Variants in HIBCH observed in about 807,000 individuals in gnomAD.
The protein encoded by HIBCH is 3-hydroxyisobutyryl-CoA hydrolase.
Under a neutral mutation model 58.2 loss-of-function variants are expected in HIBCH, and 50 were observed. The observed-to-expected ratio is 0.86, with a 90% confidence interval of 0.68 to 1.09. HIBCH has a LOEUF of 1.09. HIBCH is among the 50% of genes least tolerant of loss of function. The pLI is 0.00. For missense variants in HIBCH, 450 were observed against 449.7 expected (o/e 1.00, Z -0.01); for synonymous variants, 151 against 146.9 (o/e 1.03, Z -0.20).
At chr2:190,241,402 G>A in intron 11 of HIBCH, among the ~76,000 whole-genome samples, 1 of 152,096 alleles carries the variant, frequency 6.6e-6, no homozygotes, top group Non-Finnish European at 1.5e-5. Flanking sequence ...ACACCAATGG[G>A]TCTTGACTCT....
At chr2:190,302,048 C>G (rs1355704297) in intron 2 of HIBCH, among the ~76,000 whole-genome samples, 1 of 152,176 alleles carries the variant, frequency 6.6e-6, no homozygotes, top group Admixed American at 6.5e-5. Flanking sequence ...CCTAGGATAT[C>G]AGGGAATTCC....
downstream of HIBCH, chr2:190,200,042 ATGCACACCGCC>A: frequency 6.2e-7 from 1 of 1,614,138 alleles, no homozygotes. Flanking sequence ...ATCTTGGAAT[ATGCACACCGCC>A]TGTCTCAGGA....
intron 11 of HIBCH, among the ~76,000 whole-genome samples, chr2:190,223,260 AAAGTAT>A (rs1685779150): frequency 6.6e-6 from 1 of 152,170 alleles, no homozygotes; most frequent in Non-Finnish European, 1.5e-5. Context: ...CCCAGAACTT[AAAGTAT>A]AATAAAAAAA....
chr2:190,194,093 T>C (rs1343056084), intron 1 of HIBCH, among the ~76,000 whole-genome samples: 1 of 152,182 alleles, frequency 6.6e-6, no homozygotes, highest in Non-Finnish European at 1.5e-5. Flanking sequence ...TTTCTAGATA[T>C]TTTACTCTCT....
At chr2:190,238,685 G>A (rs1384841040) in intron 11 of HIBCH, among the ~76,000 whole-genome samples, 1 of 152,190 alleles carries the variant, frequency 6.6e-6, no homozygotes, top group Admixed American at 6.5e-5. Flanking sequence ...GGCTGGTCCT[G>A]AACTCCTGAC....
At chr2:190,261,096 G>A (rs1687075292) in intron 7 of HIBCH, 60 bp downstream of exon 7, 2 of 1,248,624 alleles carry the variant, frequency 1.6e-6, no homozygotes, top group East Asian at 4.7e-5. Flanking sequence ...AGTAAACTCT[G>A]AAACATATCA....
At chr2:190,234,879 G>C (rs1455318153) in intron 11 of HIBCH, among the ~76,000 whole-genome samples, 2 of 152,010 alleles carry the variant, frequency 1.3e-5, no homozygotes, top group South Asian at 2.1e-4. Context: ...TGAGAAGCCA[G>C]TATAATGGTT....
intron 12 of HIBCH, 52 bp downstream of exon 12, chr2:190,212,904 A>G (rs924312351): frequency 6.7e-6 from 10 of 1,486,658 alleles, no homozygotes; most frequent in Non-Finnish European, 8.4e-6. Context: ...TCTACAATAA[A>G]CGTATGTTAC....
chr2:190,195,519 A>G (rs578013018), intron 1 of HIBCH, among the ~76,000 whole-genome samples: 108 of 152,304 alleles, frequency 7.1e-4, no homozygotes, highest in Admixed American at 1.4e-3. Context: ...GATGTTGAAC[A>G]CTTTTCCATA....
At chr2:190,240,187 G>A (rs1410885886) in intron 11 of HIBCH, among the ~76,000 whole-genome samples, 1 of 152,082 alleles carries the variant, frequency 6.6e-6, no homozygotes, top group Non-Finnish European at 1.5e-5. Flanking sequence ...AATTGTTATT[G>A]GTCTATTTAG....
intron 1 of HIBCH, among the ~76,000 whole-genome samples, chr2:190,192,720 AC>A (rs1458502567): frequency 6.6e-6 from 1 of 152,186 alleles, no homozygotes; most frequent in African/African-American, 2.4e-5. Flanking sequence ...TACAACGTAC[AC>A]AATACAAAAT....
chr2:190,237,370 T>C (rs745355150), intron 11 of HIBCH, among the ~76,000 whole-genome samples: 32 of 152,244 alleles, frequency 2.1e-4, no homozygotes, highest in African/African-American at 6.5e-4. Context: ...AGATTTATCA[T>C]GCTGTGTGTA....
At chr2:190,198,187 T>A (rs113645965) in intron 1 of HIBCH, among the ~76,000 whole-genome samples, 3 of 151,656 alleles carry the variant, frequency 2.0e-5, no homozygotes, top group African/African-American at 7.3e-5. Context: ...CTCATATCAC[T>A]CTTATTAGGG....
chr2:190,315,629 T>G lies in HIBCH; in HGVS notation c.35+4087A>C, dbSNP rs1210968250. On this transcript the variant is annotated intron_variant, in intron 1 of 13. Coordinates refer to ENST00000359678, the MANE Select transcript of HIBCH (RefSeq NM_014362.4). The surrounding 1 kb of genome is among the most constrained non-coding windows in gnomAD (Gnocchi z 5.4). Reference sequence around the variant, plus strand: ...GGAAGAAGACATCACAAAGTAGTGCTTAGTGAAAATTATTATCCCAGAAGT... The same window carrying G: ...GGAAGAAGACATCACAAAGTAGTGCGTAGTGAAAATTATTATCCCAGAAGT... Among the ~76,000 whole-genome samples the G allele has an allele frequency of 6.6e-6, 1 of 152,200 alleles. No individual in the cohort carries two copies. Among genetic ancestry groups the G allele is most frequent in the African/African-American group, 2.4e-5 (1 of 41,458 alleles).
At chr2:190,248,606 A>C (rs942490708) in intron 9 of HIBCH, among the ~76,000 whole-genome samples, 2 of 152,176 alleles carry the variant, frequency 1.3e-5, no homozygotes, top group Admixed American at 1.3e-4. Context: ...TCATGGCTAT[A>C]ATCTCAGTAC....
chr2:190,301,732 G>A (rs1398248808), intron 2 of HIBCH, among the ~76,000 whole-genome samples: 3 of 152,182 alleles, frequency 2.0e-5, no homozygotes, highest in Non-Finnish European at 4.4e-5. Flanking sequence ...GGAAGTTCAA[G>A]ATCAAGATCA....
In HIBCH at chr2:190,207,914, G is replaced by T. The variant is rs2105897482; in HGVS notation, c.1045+966C>A. Among the ~76,000 whole-genome samples the T allele has an allele frequency of 6.6e-6, 1 of 151,870 alleles. No homozygotes were observed. The highest frequency in any genetic ancestry group is 1.9e-4 in the East Asian group (1 of 5,170). ...ATAAAATAAAATAAAAAAAACAAAG[G>T]ATATCCAGAGTCTGCACTATAGTAA... On this transcript the variant is annotated intron_variant, in intron 13 of 13. Transcript: ENST00000359678. This position sits in a 1 kb window ranked among gnomAD's most constrained non-coding sequence, Gnocchi z 4.5.
At chr2:190,287,184 C>T (rs1687851545) in intron 6 of HIBCH, among the ~76,000 whole-genome samples, 1 of 152,080 alleles carries the variant, frequency 6.6e-6, no homozygotes, top group Admixed American at 6.6e-5. Context: ...GCCTCAACCT[C>T]CTGAGTAGCT....
intron 2 of HIBCH, among the ~76,000 whole-genome samples, chr2:190,307,101 T>C (rs1688433905): frequency 6.6e-6 from 1 of 152,300 alleles, no homozygotes; most frequent in East Asian, 1.9e-4. Context: ...ACTATATTCT[T>C]GGGAACTAGG....
Sources: gnomAD v4.1 joint callset for allele counts (sites outside exome capture counted in the v4.1 genomes callset) on GRCh38, gnomAD v4.1.1 for gene constraint, Gnocchi (gnomAD v3.1) non-coding constraint, MANE v1.5 for transcripts, NCBI Gene and HGNC (gene_info 2026-07-23, HGNC 2026-07-21) for gene names.